The following TNFSF4 variants were observed in gnomAD, a reference collection of about 807,000 sequenced individuals.
The protein encoded by TNFSF4 is TNF superfamily member 4, also known as tumor necrosis factor ligand superfamily member 4.
Under a neutral mutation model 7.3 loss-of-function variants are expected in TNFSF4, and 4 were observed. The observed-to-expected ratio is 0.55, with a 90% CI of 0.27 to 1.25. The LOEUF is 1.25. Ranked by LOEUF, TNFSF4 falls within the 50% of genes most tolerant of loss-of-function variation. The probability of loss-of-function intolerance (pLI) is 0.12; values close to 1 mark genes in which losing one functional copy is unlikely to be tolerated. For missense variants in TNFSF4, 181 were observed against 208.8 expected, an observed-to-expected ratio of 0.87 and a Z score of 0.82; for synonymous variants, 76 against 83.7, an observed-to-expected ratio of 0.91 and a Z score of 0.50.
chr1:173,325,731 T>C, the TNFSF4 span, among the ~76,000 whole-genome samples: 1 of 152,152 alleles, frequency 6.6e-6, no homozygotes. Flanking sequence ...GAGAATACTA[T>C]AAATGCCTCT....
chr1:173,262,664 G>A, the TNFSF4 span, among the ~76,000 whole-genome samples: 67 of 145,070 alleles, frequency 4.6e-4, no homozygotes, highest in Middle Eastern at 3.6e-3. Flanking sequence ...GTGCAGTGGC[G>A]CAATCTCGGC....
chr1:173,300,083 TC>T, the TNFSF4 span, among the ~76,000 whole-genome samples: 3 of 150,838 alleles, frequency 2.0e-5, no homozygotes, highest in African/African-American at 7.3e-5. Flanking sequence ...ATCCCCTACT[TC>T]CCCCAAAATA....
the TNFSF4 span, among the ~76,000 whole-genome samples, chr1:173,238,339 T>C: frequency 6.6e-6 from 1 of 151,952 alleles, no homozygotes; most frequent in Non-Finnish European, 1.5e-5. Flanking sequence ...ACATAGAAAA[T>C]GGCAAAGATT....
At chr1:173,212,681 G>T in the TNFSF4 span, among the ~76,000 whole-genome samples, 3 of 151,798 alleles carry the variant, frequency 2.0e-5, no homozygotes, top group Non-Finnish European at 2.9e-5. Context: ...ATAAGTTAAA[G>T]AATGTAATTG....
At chr1:173,355,857 C>T in the TNFSF4 span, among the ~76,000 whole-genome samples, 1 of 152,212 alleles carries the variant, frequency 6.6e-6, no homozygotes, top group African/African-American at 2.4e-5. Flanking sequence ...ACTCAAATGC[C>T]TTGCTGGGCT....
chr1:173,254,600 T>TA, the TNFSF4 span, among the ~76,000 whole-genome samples: 1 of 152,180 alleles, frequency 6.6e-6, no homozygotes, highest in South Asian at 2.1e-4. Context: ...AAGTTCAGTC[T>TA]AAAAAATGAC....
the TNFSF4 span, among the ~76,000 whole-genome samples, chr1:173,240,176 A>G: frequency 6.6e-6 from 1 of 151,574 alleles, no homozygotes; most frequent in African/African-American, 2.4e-5. Flanking sequence ...TACCTTTTTT[A>G]TTTCTTAAGA....
At chr1:173,419,063 G>C in the TNFSF4 span, among the ~76,000 whole-genome samples, 1 of 152,210 alleles carries the variant, frequency 6.6e-6, no homozygotes, top group Non-Finnish European at 1.5e-5. Flanking sequence ...AACCTGGCCG[G>C]GTGCTGTGGC....
At chr1:173,246,630 T>C in the TNFSF4 span, among the ~76,000 whole-genome samples, 38 of 152,238 alleles carry the variant, frequency 2.5e-4, no homozygotes, top group Non-Finnish European at 4.0e-4. Flanking sequence ...TTGCTGAATA[T>C]GTTCAGCAAT....
At chr1:173,319,640 A>T in the TNFSF4 span, among the ~76,000 whole-genome samples, 2 of 152,324 alleles carry the variant, frequency 1.3e-5, no homozygotes. Context: ...CCCTTCTGGG[A>T]TGAAGCTTCC....
the TNFSF4 span, among the ~76,000 whole-genome samples, chr1:173,450,583 A>G: frequency 7.9e-5 from 12 of 151,886 alleles, no homozygotes; most frequent in South Asian, 2.1e-4. Context: ...GGCATGATCA[A>G]GTGGGGCTTA....
the TNFSF4 span, among the ~76,000 whole-genome samples, chr1:173,326,202 C>A: frequency 4.3e-4 from 66 of 152,294 alleles, 1 homozygote; most frequent in Middle Eastern, 0.014. Context: ...GGATGCAAGG[C>A]TGGTTCAACA....
downstream of TNFSF4, among the ~76,000 whole-genome samples, chr1:173,181,782 C>A (rs1332929875): frequency 1.3e-5 from 2 of 152,200 alleles, no homozygotes; most frequent in African/African-American, 4.8e-5. Flanking sequence ...TGTGCCAATT[C>A]TGCTAGGTAA....
chr1:173,302,890 T>C, the TNFSF4 span, among the ~76,000 whole-genome samples: 1 of 151,828 alleles, frequency 6.6e-6, no homozygotes, highest in African/African-American at 2.4e-5. Context: ...TGAAAAACAG[T>C]TTTAAGATGT....
the TNFSF4 span, among the ~76,000 whole-genome samples, chr1:173,283,007 A>T: frequency 4.6e-5 from 7 of 152,194 alleles, no homozygotes; most frequent in Non-Finnish European, 1.0e-4. Flanking sequence ...AGCATTTTTC[A>T]GCACCAATTC....
the TNFSF4 span, among the ~76,000 whole-genome samples, chr1:173,246,699 T>C: frequency 3.3e-5 from 5 of 152,252 alleles, no homozygotes; most frequent in Non-Finnish European, 7.3e-5. Context: ...AAGTACTAGA[T>C]GTAAAGATCT....
the TNFSF4 span, among the ~76,000 whole-genome samples, chr1:173,320,367 G>C: frequency 6.6e-6 from 1 of 152,234 alleles, no homozygotes; most frequent in Admixed American, 6.5e-5. Context: ...CAAATCCACA[G>C]CCAATATCAA....
chr1:173,329,358 G>A, the TNFSF4 span, among the ~76,000 whole-genome samples: 1 of 152,090 alleles, frequency 6.6e-6, no homozygotes, highest in Admixed American at 6.5e-5. Flanking sequence ...TTGTTATGCT[G>A]TATTGTCTAG....
the TNFSF4 span, among the ~76,000 whole-genome samples, chr1:173,400,322 C>A: frequency 6.6e-6 from 1 of 152,216 alleles, no homozygotes; most frequent in Admixed American, 6.5e-5. Context: ...TATATATGCT[C>A]TGAATCAGCA....
Sources: allele counts gnomAD v4.1 joint callset (sites outside exome capture counted in the v4.1 genomes callset), GRCh38; gene constraint gnomAD v4.1.1; transcripts MANE v1.5; gene names NCBI Gene and HGNC (gene_info 2026-07-23, HGNC 2026-07-21).